GRIK1: variants seen among roughly 807,000 people sequenced by gnomAD.
The protein encoded by GRIK1 is glutamate ionotropic receptor kainate type subunit 1.
Under a neutral mutation model 105.7 loss-of-function variants are expected in GRIK1, and 69 were observed. The observed-to-expected ratio is 0.65, with a 90% CI of 0.54 to 0.80. The LOEUF is 0.80. Ranked by LOEUF, GRIK1 falls within the 30% of genes least tolerant of loss-of-function variation. GRIK1 has a pLI of 0.00. For synonymous variants in GRIK1, 438 were observed against 431.3 expected, an observed-to-expected ratio of 1.02 and a Z score of -0.19; for missense variants, 1,109 against 1,167.3, an observed-to-expected ratio of 0.95 and a Z score of 0.73.
intron 16 of GRIK1, among the ~76,000 whole-genome samples, chr21:29,542,289 T>G (rs1021012149): frequency 1.3e-5 from 2 of 152,254 alleles, no homozygotes; most frequent in East Asian, 3.9e-4. Flanking sequence ...TCCCTTTTGG[T>G]TTGTTTCTTT....
At chr21:29,736,682 CT>C (rs748838440) in intron 1 of GRIK1, among the ~76,000 whole-genome samples, 8,861 of 141,590 alleles carry the variant, frequency 0.063, 261 homozygotes, top group Non-Finnish European at 0.07. Context: ...CTTTCCTTTT[CT>C]TTTTTTTTTT....
chr21:29,782,569 T>A (rs913111459), intron 1 of GRIK1, among the ~76,000 whole-genome samples: 1 of 152,160 alleles, frequency 6.6e-6, no homozygotes, highest in African/African-American at 2.4e-5. Flanking sequence ...TTACTCTGAT[T>A]GATTCTGTGC....
chr21:29,874,026 G>A (rs749885648), intron 1 of GRIK1, among the ~76,000 whole-genome samples: 2 of 152,126 alleles, frequency 1.3e-5, no homozygotes, highest in South Asian at 2.1e-4. Flanking sequence ...ATCTAATGCC[G>A]CAGCTGATCT....
rs143208829 is a variant in GRIK1 at position 29,610,274 on chromosome 21, G to T, written c.1099-11337C>A. Among the ~76,000 whole-genome samples, 425 of 152,212 alleles carry T rather than the reference G, an allele frequency of 2.8e-3. 3 individuals carry two copies. Among genetic ancestry groups the T allele is most frequent in the African/African-American group, 9.6e-3 (397 of 41,544 alleles). On this transcript the variant is annotated intron_variant, in intron 7 of 17. Coordinates refer to ENST00000327783, the MANE Select transcript of GRIK1 (RefSeq NM_001330994.2). ...AATAAATGTCATGCTTTTCCCCATT[G>T]TCCATGTTCTAATCACTGGAACCTA...
chr21:29,536,945 A>T lies in GRIK1; in HGVS notation c.*285T>A, dbSNP rs8129935. ...CAAGCTCAACTTGTTCTGGAAAAAA[A>T]CCCTGTTGTTTTATTATTATTTAGA... On this transcript the variant is annotated 3_prime_UTR_variant, in exon 18 of 18. Coordinates refer to ENST00000327783, the MANE Select transcript of GRIK1 (RefSeq NM_001330994.2). 1,600 of 196,918 alleles carry T rather than the reference A, an allele frequency of 8.1e-3. 19 individuals are homozygous for T. Among genetic ancestry groups the T allele is most frequent in the African/African-American group, 0.035 (1,515 of 43,440 alleles). 12.2% of individuals were successfully genotyped at this position (196,918 alleles called of 1,614,324 possible).
chr21:29,737,463 G>T (rs959836657), intron 1 of GRIK1, among the ~76,000 whole-genome samples: 2 of 152,224 alleles, frequency 1.3e-5, no homozygotes, highest in Non-Finnish European at 2.9e-5. Flanking sequence ...GTGGGGAGCC[G>T]AGCCAAGAAT....
intron 14 of GRIK1, among the ~76,000 whole-genome samples, chr21:29,566,745 G>A (rs1160016821): frequency 3.3e-5 from 5 of 151,992 alleles, no homozygotes; most frequent in Admixed American, 6.6e-5. Flanking sequence ...GAATCTTCAC[G>A]GTAATCATAT....
intron 1 of GRIK1, among the ~76,000 whole-genome samples, chr21:29,906,729 AATTT>A (rs1421609011): frequency 2.6e-5 from 4 of 152,130 alleles, no homozygotes; most frequent in Non-Finnish European, 5.9e-5. Flanking sequence ...ATCTTTTCAA[AATTT>A]ATTTATTTCT....
rs1387008006 is a variant in GRIK1 at position 29,560,392 on chromosome 21, CCTTCCTTCCTTTCTTTCTTT to C, written c.2356+1212_2356+1231del. ...TCCTTCCTTCCTTCCTTCCTTCCTTCCTTCCTTCCTTTCTTTCTTTCTTTCTTTCTTTCTTTCTTTCTTTC... is the reference window on the plus strand; with the variant it reads ...TCCTTCCTTCCTTCCTTCCTTCCTTCCTTTCTTTCTTTCTTTCTTTCTTTC... On this transcript the variant is annotated intron_variant, in intron 15 of 17. Transcript: ENST00000327783. Among the ~76,000 whole-genome samples, 9 of 55,780 alleles carry C rather than the reference CCTTCCTTCCTTTCTTTCTTT, an allele frequency of 1.6e-4. 1 individual carries two copies. Among genetic ancestry groups the C allele is most frequent in the African/African-American group, 5.3e-4 (5 of 9,504 alleles). 36.6% of individuals were successfully genotyped at this position (55,780 alleles called of 152,430 possible).
chr21:29,878,316 T>A (rs2069268772), intron 1 of GRIK1, among the ~76,000 whole-genome samples: 1 of 152,040 alleles, frequency 6.6e-6, no homozygotes, highest in Non-Finnish European at 1.5e-5. Flanking sequence ...CAAAAAGCAT[T>A]TATTGAGCAC....
intron 1 of GRIK1, chr21:29,748,209 G>A (rs963713492): frequency 5.3e-5 from 8 of 152,198 alleles, no homozygotes; most frequent in Non-Finnish European, 1.0e-4. Flanking sequence ...AAGGTTGTTT[G>A]TCCAAGCTTG....
At chr21:29,580,626 T>C (rs1238348180) in intron 13 of GRIK1, among the ~76,000 whole-genome samples, 1 of 152,198 alleles carries the variant, frequency 6.6e-6, no homozygotes, top group Non-Finnish European at 1.5e-5. Flanking sequence ...CCTTTGCCAA[T>C]GTATTTTGCA....
chr21:29,676,385 A>G (rs1323521389), intron 3 of GRIK1, among the ~76,000 whole-genome samples: 2 of 152,206 alleles, frequency 1.3e-5, no homozygotes, highest in East Asian at 1.9e-4. Context: ...TTCATTAGCA[A>G]ATGATGGAGA....
At chr21:29,905,556 G>C (rs868540270) in intron 1 of GRIK1, among the ~76,000 whole-genome samples, 56 of 149,320 alleles carry the variant, frequency 3.8e-4, no homozygotes, top group African/African-American at 1.3e-3. Context: ...AGTGATTCTC[G>C]TGCCTCAACC....
intron 1 of GRIK1, among the ~76,000 whole-genome samples, chr21:29,915,325 A>G (rs2070958503): frequency 1.3e-5 from 2 of 152,032 alleles, no homozygotes; most frequent in Non-Finnish European, 2.9e-5. Flanking sequence ...CTTGTAAGCA[A>G]TTAAGATTCA....
chr21:29,686,517 T>C (rs2063489076), intron 3 of GRIK1, among the ~76,000 whole-genome samples: 1 of 152,230 alleles, frequency 6.6e-6, no homozygotes. Flanking sequence ...AGTTTTTAGC[T>C]CAGTTGTCTT....
chr21:29,891,012 A>G (rs940465574), intron 1 of GRIK1, among the ~76,000 whole-genome samples: 8 of 152,190 alleles, frequency 5.3e-5, no homozygotes, highest in Non-Finnish European at 8.8e-5. Flanking sequence ...TCTTAAACTG[A>G]GCCACACAAA....
intron 6 of GRIK1, among the ~76,000 whole-genome samples, chr21:29,644,442 A>ACTGTG (rs2062576628): frequency 6.6e-6 from 1 of 152,250 alleles, no homozygotes; most frequent in South Asian, 2.1e-4. Flanking sequence ...CAATTCCTTA[A>ACTGTG]AATGACATTT....
intron 1 of GRIK1, among the ~76,000 whole-genome samples, chr21:29,774,164 A>G (rs2065883603): frequency 6.6e-6 from 1 of 152,178 alleles, no homozygotes; most frequent in Non-Finnish European, 1.5e-5. Context: ...AGAGAATTAT[A>G]ATATCCTTAT....
Sources: gnomAD v4.1 joint callset for allele counts (sites outside exome capture counted in the v4.1 genomes callset) on GRCh38, gnomAD v4.1.1 for gene constraint, MANE v1.5 for transcripts, NCBI Gene and HGNC (gene_info 2026-07-23, HGNC 2026-07-21) for gene names.